The following MLX variants were observed in gnomAD, a reference collection of about 807,000 sequenced individuals.
The protein encoded by MLX is max-like protein X.
In MLX, 15 loss-of-function variants were observed where a neutral mutation model predicts 33.0. That is an observed-to-expected ratio of 0.45 (90% CI 0.30 to 0.70). The LOEUF (loss-of-function observed/expected upper bound fraction) is 0.70, where lower values mean the gene tolerates loss of function less well. MLX is among the 30% of genes least tolerant of loss of function. MLX has a pLI of 0.07. For synonymous variants in MLX, 115 were observed against 115.6 expected (o/e 0.99, Z 0.03); for missense variants, 285 against 306.3 (o/e 0.93, Z 0.52).
intron 7 of MLX, 43 bp downstream of exon 7, chr17:42,570,226 C>A: frequency 6.3e-7 from 1 of 1,594,594 alleles, no homozygotes; most frequent in Non-Finnish European, 8.6e-7. Flanking sequence ...TTTTCTCTAC[C>A]ATCAAGCAAA....
chr17:42,567,521 C>A, intron 1 of MLX, 98 bp from the exon 2 acceptor site: 1 of 1,590,612 alleles, frequency 6.3e-7, no homozygotes, highest in South Asian at 1.1e-5. Flanking sequence ...GAGGCGCCTT[C>A]CCGGAATGGG....
Position 42,572,694 on chromosome 17 carries a change from T to C in MLX, c.*1091T>C. ...ATATAAAATTAAATTATAATAAATA[T>C]TGCCAAATGCTTTCCTTTAGCATTG... is the stretch of plus-strand genomic sequence containing the variant. On this transcript the variant is annotated 3_prime_UTR_variant, in exon 8 of 8. Transcript: ENST00000435881. 2.0e-6 allele frequency: 1 copy of C among 497,634 alleles called. No individual in the cohort carries two copies. Among genetic ancestry groups the C allele is most frequent in the Non-Finnish European group, 3.8e-6 (1 of 260,030 alleles). 30.8% of individuals were successfully genotyped at this position (497,634 alleles called of 1,614,324 possible). A position where few individuals can be genotyped will look rare whatever the true frequency, so the allele number is the denominator to read the frequency against.
intron 5 of MLX, 101 bp from the exon 6 acceptor site, chr17:42,569,406 A>G (rs2093021839): frequency 2.0e-6 from 3 of 1,499,826 alleles, no homozygotes; most frequent in Admixed American, 1.7e-5. Context: ...GGTGATTGCC[A>G]TGGGATAGTT....
At chr17:42,569,933 G>A (rs1397651828) in intron 6 of MLX, 49 bp from the exon 7 acceptor site, 1 of 1,544,520 alleles carries the variant, frequency 6.5e-7, no homozygotes, top group South Asian at 1.1e-5. Flanking sequence ...ATTCTTCTTG[G>A]GTGGGCGGAG....
rs1397105586 is a variant in MLX, at chr17:42,572,366, A to G, written c.*763A>G. On this transcript the variant is annotated 3_prime_UTR_variant, in exon 8 of 8. Coordinates refer to ENST00000435881, the MANE Select transcript of MLX (RefSeq NM_198204.2). The stretch of plus-strand genomic sequence containing the variant: ...ACCAATGCAGTTTTGCTACGGTTAC[A>G]ATTTTGAAATATTAACTGAGCCTCA... 12 of 454,514 alleles carry G rather than the reference A, an allele frequency of 2.6e-5. No homozygotes were observed. The highest frequency in any genetic ancestry group is 8.8e-6 in the Non-Finnish European group (2 of 226,778). The allele number at this position is 454,514 out of a possible 1,614,324, so 28.2% of individuals were successfully genotyped here. A position where few individuals can be genotyped will look rare whatever the true frequency, so the allele number is the denominator to read the frequency against.
rs769408013 is a variant in MLX at position 42,568,823 on chromosome 17, A to G, written c.170-14A>G. The G allele has an allele frequency of 1.3e-6, 2 of 1,593,540 alleles. No homozygotes were observed. The highest frequency in any genetic ancestry group is 8.6e-7 in the Non-Finnish European group (1 of 1,168,398). Reference sequence around the variant, plus strand: ...CCCAAGATGACCTTTCCCTGCCCCCATCTCTGAGCGTAGATGATGAGGACA... The same window carrying G: ...CCCAAGATGACCTTTCCCTGCCCCCGTCTCTGAGCGTAGATGATGAGGACA... On this transcript the variant is annotated splice_polypyrimidine_tract_variant and intron_variant, in intron 3 of 7. Transcript: ENST00000435881.
intron 1 of MLX, 140 bp from the exon 2 acceptor site, chr17:42,567,479 G>T: frequency 6.8e-7 from 1 of 1,464,234 alleles, no homozygotes; most frequent in Non-Finnish European, 9.2e-7. Context: ...CGCGCACCCC[G>T]GGCTGTGTGT....
intron 2 of MLX, 178 bp downstream of exon 2, chr17:42,567,833 C>T: frequency 1.4e-6 from 1 of 724,938 alleles, no homozygotes; most frequent in South Asian, 1.8e-5. Context: ...ACACCTAGTT[C>T]CCTCTGCTCT....
At position 42,571,662 on chromosome 17, in the gene MLX, A is replaced by G; in HGVS notation, c.*59A>G. The G allele has an allele frequency of 6.6e-7, 1 of 1,523,270 alleles. No individual in the cohort carries two copies. The allele number at this position is 1,523,270 out of a possible 1,614,324, so 94.4% of individuals were successfully genotyped here. ...GAGGCCCTTGAATCTCTACGTGGCC[A>G]CTGAACTGCTGGGCCCGGGAGACTG... On this transcript the variant is annotated 3_prime_UTR_variant, in exon 8 of 8. Transcript: ENST00000435881.
At position 42,573,000 on chromosome 17, in the gene MLX, C is replaced by T. The variant is rs754419993; in HGVS notation, c.*1397C>T. ...TCTGGGAGTGTGACGTTGTAATCTT[C>T]ATCCGTCTCTATCCCAACTTCCTCC... On this transcript the variant is annotated 3_prime_UTR_variant, in exon 8 of 8. Transcript: ENST00000435881. The T allele has an allele frequency of 6.2e-7, 1 of 1,614,242 alleles. No homozygotes were observed. The highest frequency in any genetic ancestry group is 8.5e-7 in the Non-Finnish European group (1 of 1,180,044).
chr17:42,571,621 G>A lies in MLX; in HGVS notation c.*18G>A. On this transcript the variant is annotated 3_prime_UTR_variant, in exon 8 of 8. Transcript: ENST00000435881. Reference sequence around the variant, plus strand: ...TTTACTGACCGGTTCTTGGAAACCTGGAGAACAGCCAACAAGAGGCCCTTG... The same window carrying A: ...TTTACTGACCGGTTCTTGGAAACCTAGAGAACAGCCAACAAGAGGCCCTTG... 2 of 1,607,774 alleles carry A rather than the reference G, an allele frequency of 1.2e-6. No individual in the cohort carries two copies. Among genetic ancestry groups the A allele is most frequent in the Non-Finnish European group, 1.7e-6 (2 of 1,174,746 alleles).
chr17:42,568,362 A>C, intron 2 of MLX, 108 bp from the exon 3 acceptor site: 1 of 501,948 alleles, frequency 2.0e-6, no homozygotes. Flanking sequence ...GACTCTGTCT[A>C]AAAAAAAAAT....
At chr17:42,571,262 T>C (rs1165117659) in intron 7 of MLX, among the ~76,000 whole-genome samples, 1 of 151,492 alleles carries the variant, frequency 6.6e-6, no homozygotes, top group Non-Finnish European at 1.5e-5. Context: ...CTCAGCCTCC[T>C]GTGTAGCTGG....
chr17:42,568,367 AAAAAT>A, intron 2 of MLX, 98 bp from the exon 3 acceptor site: 1 of 805,942 alleles, frequency 1.2e-6, no homozygotes, highest in Non-Finnish European at 2.0e-6. Context: ...TGTCTAAAAA[AAAAAT>A]AAATAAATAA....
chr17:42,569,740 G>A (rs1597719023), intron 6 of MLX, 134 bp downstream of exon 6: 1 of 773,998 alleles, frequency 1.3e-6, no homozygotes, highest in Non-Finnish European at 2.2e-6. Flanking sequence ...CAGTAGGACT[G>A]TGTATCCCCA....
At position 42,570,040 on chromosome 17, in the gene MLX, G is replaced by A. The variant is rs2093024309; in HGVS notation, c.535G>A (p.Val179Ile). The A allele has an allele frequency of 6.2e-7, 1 of 1,613,974 alleles. No individual in the cohort carries two copies. The highest frequency in any genetic ancestry group is 1.1e-5 in the South Asian group (1 of 91,080). Residue 179 changes from valine (V) to isoleucine (I), a missense_variant, in exon 7 of 8, where the codon GTC becomes ATC. Val to Ile is a conservative substitution (Grantham distance 29). Transcript: ENST00000435881. The part of the protein sequence containing the change: ...QDNPHEGEDQ[V>I]SDQVKFNVFQ... ...CAACCCCCATGAAGGGGAGGACCAGGTCTCTGACCAGGTCAAGTTCAACGT... is the reference window on the plus strand; with the variant it reads ...CAACCCCCATGAAGGGGAGGACCAGATCTCTGACCAGGTCAAGTTCAACGT...
Position 42,567,663 on chromosome 17 carries a change from G to C in MLX, c.79+8G>C. 1 of 1,614,148 alleles carries C rather than the reference G, an allele frequency of 6.2e-7. No homozygotes were observed. Among genetic ancestry groups the C allele is most frequent in the South Asian group, 1.1e-5 (1 of 91,090 alleles). On this transcript the variant is annotated splice_region_variant and intron_variant, in intron 2 of 7. Coordinates refer to ENST00000435881, the MANE Select transcript of MLX (RefSeq NM_198204.2). ...ACAACAGCCTGGACCCCGGTGAGTAGCTGCCCCATCTTAAGCTCTAGAGGG... is the reference window on the plus strand; with the variant it reads ...ACAACAGCCTGGACCCCGGTGAGTACCTGCCCCATCTTAAGCTCTAGAGGG...
chr17:42,568,118 T>C (rs561361407), intron 2 of MLX: 4 of 199,848 alleles, frequency 2.0e-5, no homozygotes, highest in Non-Finnish European at 4.2e-5. Flanking sequence ...TCCCAGCACT[T>C]TGGGAGGCCG....
intron 4 of MLX, 76 bp downstream of exon 4, chr17:42,569,019 T>G (rs1228032534): frequency 1.4e-6 from 2 of 1,474,272 alleles, no homozygotes; most frequent in Non-Finnish European, 1.9e-6. Flanking sequence ...CCTGACCCAC[T>G]CAGACAGTCC....
Sources: allele counts gnomAD v4.1 joint callset (sites outside exome capture counted in the v4.1 genomes callset), GRCh38; gene constraint gnomAD v4.1.1; transcripts MANE v1.5; gene names NCBI Gene and HGNC (gene_info 2026-07-23, HGNC 2026-07-21).